VASH2: variants seen among roughly 807,000 people sequenced by gnomAD.
VASH2 encodes the protein tubulinyl-Tyr carboxypeptidase 2.
VASH2 carries 28 observed loss-of-function variants against 37.2 expected under a neutral mutation model. The observed-to-expected ratio is 0.75, with a 90% CI of 0.56 to 1.03. VASH2 has a LOEUF of 1.03. VASH2 is among the 50% of genes least tolerant of loss of function. The pLI is 0.00. For synonymous variants in VASH2, 188 were observed against 174.7 expected, an observed-to-expected ratio of 1.08 and a Z score of -0.60; for missense variants, 419 against 459.1, an observed-to-expected ratio of 0.91 and a Z score of 0.80.
chr1:212,957,510 C>G (rs1301038448), intron 2 of VASH2, among the ~76,000 whole-genome samples: 1 of 152,134 alleles, frequency 6.6e-6, no homozygotes, highest in African/African-American at 2.4e-5. Flanking sequence ...TCCAGGGACT[C>G]TGCTGCTGCT....
At chr1:212,952,092 C>T (rs997275543) in intron 2 of VASH2, among the ~76,000 whole-genome samples, 1 of 152,148 alleles carries the variant, frequency 6.6e-6, no homozygotes, top group East Asian at 1.9e-4. Context: ...CAGCCAAACT[C>T]TATTATTTAC....
rs995485878 is a variant in VASH2, at chr1:212,963,836, G to A, written c.366-1886G>A. 9.9e-5 allele frequency among the ~76,000 whole-genome samples: 15 copies of A among 152,148 alleles called. No individual in the cohort carries two copies. The East Asian group carries it at 1.5e-3, about 16-fold the overall frequency. On this transcript the variant is annotated intron_variant, in intron 3 of 7. Coordinates refer to ENST00000517399, the MANE Select transcript of VASH2 (RefSeq NM_001301056.2). ...AGATGTATAAATTAGATATGTGAGC[G>A]GAGGAAAGTTGGGCATAGAACTGAA... is the stretch of plus-strand genomic sequence containing the variant.
At chr1:212,974,174 C>A in intron 7 of VASH2, 104 bp downstream of exon 7, 1 of 1,379,014 alleles carries the variant, frequency 7.3e-7, no homozygotes, top group South Asian at 1.5e-5. Context: ...GGCATTTGAA[C>A]CTGACAGCAA....
At position 212,951,913 on chromosome 1, in the gene VASH2, A is replaced by G. The variant is rs756673250; in HGVS notation, c.276+95A>G. On this transcript the variant is annotated intron_variant, in intron 2 of 7. Coordinates refer to ENST00000517399, the MANE Select transcript of VASH2 (RefSeq NM_001301056.2). This position sits in a 1 kb window ranked among gnomAD's most constrained non-coding sequence, Gnocchi z 4.4. ...TACATAGCAAACACAGGCAATCTCC[A>G]TTTTCCTAGTCCTGCTACAAACTCC... is the stretch of plus-strand genomic sequence containing the variant. 1.2e-3 allele frequency: 1,701 copies of G among 1,381,772 alleles called. 3 individuals are homozygous for G. Among genetic ancestry groups the G allele is most frequent in the Non-Finnish European group, 1.6e-3 (1,610 of 1,026,768 alleles). 85.6% of individuals were successfully genotyped at this position (1,381,772 alleles called of 1,614,324 possible).
intron 2 of VASH2, among the ~76,000 whole-genome samples, chr1:212,954,528 C>A (rs1228660275): frequency 1.3e-5 from 2 of 152,168 alleles, no homozygotes; most frequent in South Asian, 2.1e-4. Context: ...TCAAGCAATT[C>A]TCCTGCCTCA....
At chr1:212,970,703 A>G (rs1162498025) in intron 5 of VASH2, among the ~76,000 whole-genome samples, 1 of 152,086 alleles carries the variant, frequency 6.6e-6, no homozygotes, top group Non-Finnish European at 1.5e-5. Context: ...CAGCCTGACC[A>G]ACATTGTGAA....
chr1:212,983,731 G>A (rs1471139387), intron 7 of VASH2, among the ~76,000 whole-genome samples: 4 of 152,244 alleles, frequency 2.6e-5, no homozygotes, highest in Non-Finnish European at 4.4e-5. Context: ...TTCTAAGGAT[G>A]TGGAGATGTT....
At chr1:212,988,134 C>A (rs1453238807) in intron 7 of VASH2, among the ~76,000 whole-genome samples, 1 of 152,148 alleles carries the variant, frequency 6.6e-6, no homozygotes, top group Non-Finnish European at 1.5e-5. Context: ...GCCAATGTTT[C>A]AAGGAGAATT....
chr1:212,970,851 C>T (rs1666989964), intron 5 of VASH2, among the ~76,000 whole-genome samples: 1 of 151,660 alleles, frequency 6.6e-6, no homozygotes, highest in Non-Finnish European at 1.5e-5. Context: ...GATCGCACCA[C>T]TGCACTCCAG....
chr1:212,963,331 T>C (rs115021912), intron 3 of VASH2, among the ~76,000 whole-genome samples: 4 of 152,304 alleles, frequency 2.6e-5, no homozygotes, highest in African/African-American at 9.6e-5. Flanking sequence ...CCCAGCCCCC[T>C]GCCCACTGGG....
At position 212,951,613 on chromosome 1, in the gene VASH2, G is replaced by A; in HGVS notation, c.71G>A (p.Ser24Asn). 1 of 1,560,076 alleles carries A rather than the reference G, an allele frequency of 6.4e-7. No homozygotes were observed. The highest frequency in any genetic ancestry group is 8.7e-7 in the Non-Finnish European group (1 of 1,152,352). ...GGCGCCAAAGGCACCCGGTCCCGGA[G>A]CAGCCACGCGCGGCCCGTGAGCCTC... is the stretch of plus-strand genomic sequence containing the variant. ...PKGAKGTRSR[S>N]SHARPVSLAT... Residue 24 changes from serine (S) to asparagine (N), a missense_variant, in exon 2 of 8, where the codon AGC (serine) becomes AAC (asparagine). Ser to Asn is a conservative substitution (Grantham distance 46, BLOSUM62 1). Transcript: ENST00000517399. This position sits in a 1 kb window ranked among gnomAD's most constrained non-coding sequence, Gnocchi z 4.4.
At chr1:212,977,016 C>T (rs1255914284) in intron 7 of VASH2, among the ~76,000 whole-genome samples, 2 of 150,122 alleles carry the variant, frequency 1.3e-5, no homozygotes, top group African/African-American at 4.9e-5. Context: ...GAAGTGGCCG[C>T]AACAAGGTGA....
chr1:212,965,087 A>C (rs1185578443), intron 3 of VASH2, among the ~76,000 whole-genome samples: 1 of 152,120 alleles, frequency 6.6e-6, no homozygotes. Flanking sequence ...CACTTGGCTA[A>C]TTTTTGTATT....
At chr1:212,982,758 C>A (rs1177320671) in intron 7 of VASH2, among the ~76,000 whole-genome samples, 1 of 152,186 alleles carries the variant, frequency 6.6e-6, no homozygotes, top group Non-Finnish European at 1.5e-5. Context: ...CAGTTTAGCT[C>A]ATTTTCTGTC....
At chr1:212,987,043 GA>G (rs1667497916) in intron 7 of VASH2, among the ~76,000 whole-genome samples, 1 of 152,036 alleles carries the variant, frequency 6.6e-6, no homozygotes, top group South Asian at 2.1e-4. Context: ...GAGAGAGAGA[GA>G]GAGAGAGAGA....
chr1:212,966,404 C>T (rs919315199), intron 5 of VASH2, 59 bp downstream of exon 5: 105 of 1,397,972 alleles, frequency 7.5e-5, no homozygotes, highest in Admixed American at 5.3e-4. Flanking sequence ...CACAATGGGG[C>T]TTGTTGTGCC....
chr1:212,969,464 G>C (rs1282706944), intron 5 of VASH2, among the ~76,000 whole-genome samples: 1 of 151,986 alleles, frequency 6.6e-6, no homozygotes, highest in Non-Finnish European at 1.5e-5. Flanking sequence ...CCAAAGTGCT[G>C]GGATTATAGG....
In VASH2 at chr1:212,988,511, G is replaced by A. The variant is rs1476826371; in HGVS notation, c.996-1G>A. On this transcript the variant is annotated splice_acceptor_variant, in intron 7 of 7. Transcript: ENST00000517399. LOFTEE classifies it high-confidence loss of function. ...ACCATATTTCTGTCTTTTACCCTTA[G>A]GCCTGCACTGCCTGAAAAGAAGGTG... 1 of 1,613,872 alleles carries A rather than the reference G, an allele frequency of 6.2e-7. No individual in the cohort carries two copies. Among genetic ancestry groups the A allele is most frequent in the Non-Finnish European group, 8.5e-7 (1 of 1,179,976 alleles).
intron 2 of VASH2, among the ~76,000 whole-genome samples, chr1:212,957,383 T>A (rs1301680266): frequency 6.6e-6 from 1 of 152,184 alleles, no homozygotes; most frequent in Non-Finnish European, 1.5e-5. Context: ...GAGCTCATAA[T>A]GAATTAAGGG....
Sources: gnomAD v4.1 joint callset for allele counts (sites outside exome capture counted in the v4.1 genomes callset) on GRCh38, gnomAD v4.1.1 for gene constraint, Gnocchi (gnomAD v3.1) non-coding constraint, MANE v1.5 for transcripts, NCBI Gene and HGNC (gene_info 2026-07-23, HGNC 2026-07-21) for gene names.